Variants in ADRA1A observed in about 807,000 individuals in gnomAD.
The protein encoded by ADRA1A is alpha-1A adrenergic receptor.
In ADRA1A, 31 loss-of-function variants were observed where a neutral mutation model predicts 29.6. The observed-to-expected ratio is 1.05, with a 90% CI of 0.79 to 1.41. The LOEUF (loss-of-function observed/expected upper bound fraction) is 1.41. Ranked by LOEUF, ADRA1A falls within the 40% of genes most tolerant of loss-of-function variation. The pLI is 0.00. For missense variants in ADRA1A, 619 were observed against 601.1 expected (o/e 1.03, Z -0.31); for synonymous variants, 311 against 254.3 (o/e 1.22, Z -2.12).
At chr8:26,748,770 A>AC (rs1491547700) in intron 2 of ADRA1A, 1 of 400,740 alleles carries the variant, frequency 2.5e-6, no homozygotes, top group Admixed American at 3.1e-5. Context: ...AAAAAAAAAA[A>AC]GTTGAAAAAC....
intron 2 of ADRA1A, among the ~76,000 whole-genome samples, chr8:26,840,520 T>G (rs61762862): frequency 0.053 from 8,009 of 152,092 alleles, 292 homozygotes; most frequent in Admixed American, 0.11. Context: ...ACATTTATGA[T>G]GACCACAGCA....
At chr8:26,748,580 A>C (rs965041152) in exon 3 of ADRA1A, 2 of 413,234 alleles carry the variant, frequency 4.8e-6, no homozygotes, top group African/African-American at 4.2e-5. Flanking sequence ...CTCTACTAAA[A>C]ATACAAAAAT....
chr8:26,767,172 C>T (rs1805836994), downstream of ADRA1A, among the ~76,000 whole-genome samples: 1 of 152,116 alleles, frequency 6.6e-6, no homozygotes, highest in Non-Finnish European at 1.5e-5. Flanking sequence ...TTGCCCTATC[C>T]CATAATGTCA....
intron 2 of ADRA1A, among the ~76,000 whole-genome samples, chr8:26,847,001 T>C (rs768795441): frequency 6.6e-6 from 1 of 151,926 alleles, no homozygotes; most frequent in Admixed American, 6.6e-5. Context: ...TTCTCACTCA[T>C]AGCTGGGAAT....
intron 2 of ADRA1A, among the ~76,000 whole-genome samples, chr8:26,776,900 C>T (rs185354281): frequency 1.8e-4 from 27 of 152,268 alleles, no homozygotes; most frequent in Admixed American, 6.5e-4. Context: ...CCTTGTTCAG[C>T]GAGTGGTCTC....
chr8:26,856,675 C>T (rs1160331414), intron 2 of ADRA1A, among the ~76,000 whole-genome samples: 3 of 152,178 alleles, frequency 2.0e-5, no homozygotes, highest in African/African-American at 7.2e-5. Context: ...AGCCCTCCTT[C>T]CCAGAAAGAC....
chr8:26,816,533 A>ATGTGTGTGTGTG (rs59536491), intron 2 of ADRA1A, among the ~76,000 whole-genome samples: 91 of 147,592 alleles, frequency 6.2e-4, no homozygotes, highest in Middle Eastern at 3.5e-3. Context: ...CTCATGGTGT[A>ATGTGTGTGTGTG]TGTGTGTGTG....
chr8:26,822,692 C>G (rs1270895223), intron 2 of ADRA1A, among the ~76,000 whole-genome samples: 1 of 152,170 alleles, frequency 6.6e-6, no homozygotes, highest in African/African-American at 2.4e-5. Flanking sequence ...CACATTGCTA[C>G]AAAGGAATGC....
intron 2 of ADRA1A, among the ~76,000 whole-genome samples, chr8:26,863,596 C>G (rs1332311899): frequency 6.6e-6 from 1 of 151,938 alleles, no homozygotes; most frequent in East Asian, 1.9e-4. Context: ...ATAAACAGAC[C>G]ATTATAACAA....
chr8:26,815,812 T>G lies in ADRA1A; in HGVS notation c.884-45146A>C, dbSNP rs1809714275. On this transcript the variant is annotated intron_variant, in intron 2 of 2. Coordinates refer to ENST00000380573, the MANE Select transcript of ADRA1A (RefSeq NM_000680.4). This position sits in a 1 kb window ranked among gnomAD's most constrained non-coding sequence, Gnocchi z 4.2. Reference sequence around the variant, plus strand: ...TGAAAATTAATGAGCAAAGTAGCTGTCTGTGTTCCCTATAAAACAAAGGGT... The same window carrying G: ...TGAAAATTAATGAGCAAAGTAGCTGGCTGTGTTCCCTATAAAACAAAGGGT... Among the ~76,000 whole-genome samples, 3 of 152,236 alleles carry G rather than the reference T, an allele frequency of 2.0e-5. No homozygotes were observed. Among genetic ancestry groups the G allele is most frequent in the Admixed American group, 1.3e-4 (2 of 15,288 alleles).
At position 26,823,812 on chromosome 8, in the gene ADRA1A, C is replaced by T. The variant is rs1431285220; in HGVS notation, c.883+40275G>A. Among the ~76,000 whole-genome samples, 1 of 152,166 alleles carries T rather than the reference C, an allele frequency of 6.6e-6. No homozygotes were observed. Among genetic ancestry groups the T allele is most frequent in the African/African-American group, 2.4e-5 (1 of 41,438 alleles). ...TAATTATAGTTGTCAAGGTGAAGAA[C>T]CCGAGGTACCATAAGACTATGGCTT... On this transcript the variant is annotated intron_variant, in intron 2 of 2. Transcript: ENST00000380573. This position sits in a 1 kb window ranked among gnomAD's most constrained non-coding sequence, Gnocchi z 4.2.
At chr8:26,847,416 TA>T (rs1387868465) in intron 2 of ADRA1A, among the ~76,000 whole-genome samples, 2 of 152,170 alleles carry the variant, frequency 1.3e-5, no homozygotes, top group African/African-American at 2.4e-5. Flanking sequence ...AGTTTCTTTT[TA>T]AAAACCCATT....
chr8:26,765,823 T>A, downstream of ADRA1A: 6 of 1,342,386 alleles, frequency 4.5e-6, no homozygotes, highest in Non-Finnish European at 5.7e-6. Flanking sequence ...ATTGAGAAAG[T>A]TTGTCAAGCT....
chr8:26,809,115 A>C (rs1215542583), intron 2 of ADRA1A, among the ~76,000 whole-genome samples: 1 of 152,190 alleles, frequency 6.6e-6, no homozygotes, highest in Non-Finnish European at 1.5e-5. Context: ...AAAATTGTTG[A>C]ATTTATCTCT....
exon 3 of ADRA1A, chr8:26,748,738 C>G (rs61759694): frequency 1.7e-5 from 6 of 362,092 alleles, no homozygotes; most frequent in Non-Finnish European, 3.1e-5. Flanking sequence ...GGTGACAGAG[C>G]GAGACTTCGT....
rs546184153 is a variant in ADRA1A at position 26,816,116 on chromosome 8, G to A, written c.884-45450C>T. Among the ~76,000 whole-genome samples, 251 of 152,304 alleles carry A rather than the reference G, an allele frequency of 1.6e-3. 1 individual carries two copies. Among genetic ancestry groups the A allele is most frequent in the Admixed American group, 3.0e-3 (46 of 15,302 alleles). The stretch of plus-strand genomic sequence containing the variant: ...TCCCTCTTAGTGTAGGCCTGAGGGC[G>A]TGGGGAGGAGCAGCCCTACAGGATA... On this transcript the variant is annotated intron_variant, in intron 2 of 2. Coordinates refer to ENST00000380573, the MANE Select transcript of ADRA1A (RefSeq NM_000680.4).
downstream of ADRA1A, among the ~76,000 whole-genome samples, chr8:26,761,422 C>A (rs1290346896): frequency 6.6e-6 from 1 of 152,206 alleles, no homozygotes; most frequent in Non-Finnish European, 1.5e-5. Flanking sequence ...CAGAATGTGA[C>A]TGTATTCGGC....
chr8:26,793,790 C>T (rs554988740), intron 2 of ADRA1A, among the ~76,000 whole-genome samples: 1 of 151,828 alleles, frequency 6.6e-6, no homozygotes, highest in Non-Finnish European at 1.5e-5. Flanking sequence ...ATAGAAGACA[C>T]AAAAATTGAC....
intron 2 of ADRA1A, among the ~76,000 whole-genome samples, chr8:26,862,442 T>A (rs1813547681): frequency 6.6e-6 from 1 of 152,232 alleles, no homozygotes; most frequent in African/African-American, 2.4e-5. Flanking sequence ...CATTTGCTTA[T>A]GTCTACCCTT....
Sources: allele counts gnomAD v4.1 joint callset (sites outside exome capture counted in the v4.1 genomes callset), GRCh38; gene constraint gnomAD v4.1.1; non-coding constraint Gnocchi (gnomAD v3.1); transcripts MANE v1.5; gene names NCBI Gene and HGNC (gene_info 2026-07-23, HGNC 2026-07-21).